LNPEP: variants seen among roughly 807,000 people sequenced by gnomAD.
LNPEP encodes leucyl-cystinyl aminopeptidase.
Under a neutral mutation model 120.6 loss-of-function variants are expected in LNPEP, and 64 were observed. The ratio of observed to expected loss-of-function variants is 0.53; its 90% confidence interval spans 0.43 to 0.65. LNPEP has a LOEUF of 0.65. Among genes scored for constraint, LNPEP ranks in the 30% least tolerant of loss-of-function variants. The pLI is 0.00. For missense variants in LNPEP, 1,057 were observed against 1,200.0 expected (o/e 0.88, Z 1.76); for synonymous variants, 435 against 425.4 (o/e 1.02, Z -0.28).
rs140912746 is a variant in LNPEP, at chr5:96,972,552, C to T, written c.20-6586C>T. Reference sequence around the variant, plus strand: ...CAAACTTCTGTGACTCCCCTCTGCACGTGCCCCCCTTCACCAGCACTGCTC... The same window carrying T: ...CAAACTTCTGTGACTCCCCTCTGCATGTGCCCCCCTTCACCAGCACTGCTC... On this transcript the variant is annotated intron_variant, in intron 1 of 17. Coordinates refer to ENST00000231368, the MANE Select transcript of LNPEP (RefSeq NM_005575.3). 7.7e-4 allele frequency among the ~76,000 whole-genome samples: 117 copies of T among 152,188 alleles called. 1 individual carries two copies. Among genetic ancestry groups the T allele is most frequent in the African/African-American group, 2.7e-3 (112 of 41,542 alleles).
chr5:96,954,772 A>ATTTTTT (rs1160402498), intron 1 of LNPEP, among the ~76,000 whole-genome samples: 7 of 27,110 alleles, frequency 2.6e-4, no homozygotes, highest in Non-Finnish European at 4.1e-4. Flanking sequence ...ATATATATAT[A>ATTTTTT]TTTTTTTTTT....
intron 4 of LNPEP, among the ~76,000 whole-genome samples, chr5:96,987,675 GTAAAC>G (rs1279122446): frequency 6.6e-6 from 1 of 152,178 alleles, no homozygotes; most frequent in African/African-American, 2.4e-5. Context: ...TACTCAAAAA[GTAAAC>G]TAAGTTTTTA....
chr5:97,010,035 A>C (rs27711), intron 11 of LNPEP, among the ~76,000 whole-genome samples: 3 of 151,900 alleles, frequency 2.0e-5, no homozygotes, highest in Non-Finnish European at 4.4e-5. Context: ...GTTGTATATA[A>C]GAGTTATGTT....
intron 14 of LNPEP, among the ~76,000 whole-genome samples, chr5:97,024,112 G>A (rs1732457812): frequency 6.6e-6 from 1 of 152,116 alleles, no homozygotes; most frequent in South Asian, 2.1e-4. Context: ...CTTAATAAAG[G>A]CAGTAGACTG....
chr5:96,996,452 C>G lies in LNPEP; in HGVS notation c.1470C>G (p.Ala490=). 6.2e-7 allele frequency: 1 copy of G among 1,611,358 alleles called. No individual in the cohort carries two copies. The highest frequency in any genetic ancestry group is 8.5e-7 in the Non-Finnish European group (1 of 1,178,066). The change falls in exon 7 of 18, where the codon GCC becomes GCG. Residue 490 remains alanine (A), a synonymous_variant. Coordinates refer to ENST00000231368, the MANE Select transcript of LNPEP (RefSeq NM_005575.3). Reference sequence around the variant, plus strand: ...ACCTATGGCTAAATGAAGGTTTTGCCACTTTCATGGAGTATTTCTCTTTGG... The same window carrying G: ...ACCTATGGCTAAATGAAGGTTTTGCGACTTTCATGGAGTATTTCTCTTTGG... The part of the protein sequence containing the change: ...WNDLWLNEGF[A]TFMEYFSLEK...
intron 11 of LNPEP, among the ~76,000 whole-genome samples, chr5:97,008,734 A>G (rs1427563552): frequency 2.9e-5 from 4 of 136,170 alleles, no homozygotes; most frequent in Admixed American, 1.7e-4. Flanking sequence ...GCGCGATCTC[A>G]GCTCACTGCA....
Position 96,985,105 on chromosome 5 carries a change from C to G in LNPEP, c.886C>G (p.Pro296Ala). 6.2e-7 allele frequency: 1 copy of G among 1,613,918 alleles called. No individual in the cohort carries two copies. Residue 296 changes from proline (P) to alanine (A), a missense_variant, in exon 3 of 18, where the codon CCC becomes GCC. Physicochemically the swap from Pro to Ala is conservative, Grantham distance 27 (BLOSUM62 -1). Coordinates refer to ENST00000231368, the MANE Select transcript of LNPEP (RefSeq NM_005575.3). ...KKYFAATQFE[P>A]LAARSAFPCF... ...GTACTTTGCAGCAACTCAGTTTGAACCCCTGGCAGCAAGATCTGCTTTTCC... is the reference window on the plus strand; with the variant it reads ...GTACTTTGCAGCAACTCAGTTTGAAGCCCTGGCAGCAAGATCTGCTTTTCC...
At chr5:96,952,876 C>T (rs1789356095) in intron 1 of LNPEP, among the ~76,000 whole-genome samples, 1 of 152,188 alleles carries the variant, frequency 6.6e-6, no homozygotes, top group African/African-American at 2.4e-5. Context: ...AATTAAAGGC[C>T]TACTTGGCTA....
chr5:96,941,742 C>T (rs1038813078), intron 1 of LNPEP, among the ~76,000 whole-genome samples: 4 of 152,100 alleles, frequency 2.6e-5, no homozygotes, highest in African/African-American at 9.7e-5. Flanking sequence ...TAACCTTATC[C>T]ATTGTTGTAA....
At position 97,034,585 on chromosome 5, in the gene LNPEP, A is replaced by G. The variant is rs190404129; in HGVS notation, c.*6052A>G. 16 of 152,046 alleles carry G rather than the reference A, an allele frequency of 1.1e-4. No individual in the cohort carries two copies. The highest frequency in any genetic ancestry group is 3.9e-4 in the African/African-American group (16 of 41,486). The allele number at this position is 152,046 out of a possible 1,614,324, so 9.4% of individuals were successfully genotyped here. A position where few individuals can be genotyped will look rare whatever the true frequency, so the allele number is the denominator to read the frequency against. On this transcript the variant is annotated 3_prime_UTR_variant, in exon 18 of 18. Transcript: ENST00000231368. Reference sequence around the variant, plus strand: ...ACCCAGACCCGAGAGTGTGGTAAATATTCTTTGCCTTCCTCAGAGCCTGTA... The same window carrying G: ...ACCCAGACCCGAGAGTGTGGTAAATGTTCTTTGCCTTCCTCAGAGCCTGTA...
At chr5:96,951,036 GCT>G (rs1789307627) in intron 1 of LNPEP, among the ~76,000 whole-genome samples, 1 of 152,152 alleles carries the variant, frequency 6.6e-6, no homozygotes, top group Admixed American at 6.5e-5. Context: ...TCTGGTGAGG[GCT>G]CTCTTTCTCA....
At chr5:96,977,389 A>C (rs1350234218) in intron 1 of LNPEP, among the ~76,000 whole-genome samples, 2 of 152,020 alleles carry the variant, frequency 1.3e-5, no homozygotes, top group Non-Finnish European at 2.9e-5. Flanking sequence ...ATAGCGTGGA[A>C]TAGCTGCCTG....
intron 11 of LNPEP, among the ~76,000 whole-genome samples, chr5:97,013,171 A>G (rs1216899813): frequency 1.3e-5 from 2 of 152,036 alleles, no homozygotes; most frequent in African/African-American, 4.8e-5. Flanking sequence ...GTTCCCTACT[A>G]TATCTTCTTC....
At chr5:96,990,210 G>C (rs796808099) in intron 4 of LNPEP, among the ~76,000 whole-genome samples, 2 of 151,878 alleles carry the variant, frequency 1.3e-5, no homozygotes, top group African/African-American at 2.4e-5. Flanking sequence ...GTGCACGTGC[G>C]TGTGTGTGTG....
chr5:97,006,630 G>A, intron 11 of LNPEP, 115 bp downstream of exon 11: 1 of 660,752 alleles, frequency 1.5e-6, no homozygotes. Context: ...GGTTTTATGA[G>A]TTGCATATGC....
chr5:97,017,696 T>C (rs961426320), intron 13 of LNPEP, among the ~76,000 whole-genome samples: 2 of 152,126 alleles, frequency 1.3e-5, no homozygotes, highest in Non-Finnish European at 2.9e-5. Context: ...TTGAGGTAAT[T>C]AGTATGATAT....
At chr5:97,000,676 C>G (rs1284343780) in intron 8 of LNPEP, among the ~76,000 whole-genome samples, 1 of 152,204 alleles carries the variant, frequency 6.6e-6, no homozygotes, top group East Asian at 1.9e-4. Flanking sequence ...GCATGATTCA[C>G]TGGGAGAGGA....
chr5:97,024,710 A>G, intron 15 of LNPEP, 28 bp downstream of exon 15: 1 of 1,593,186 alleles, frequency 6.3e-7, no homozygotes, highest in Non-Finnish European at 8.6e-7. Flanking sequence ...AATATGATAT[A>G]CAGAAACCAA....
At chr5:96,943,028 A>G in intron 1 of LNPEP, 1 of 195,970 alleles carries the variant, frequency 5.1e-6, no homozygotes, top group East Asian at 1.3e-4. Flanking sequence ...AAACATTACA[A>G]GAAAAACTTC....
Sources: gnomAD v4.1 joint callset for allele counts (sites outside exome capture counted in the v4.1 genomes callset) on GRCh38, gnomAD v4.1.1 for gene constraint, MANE v1.5 for transcripts, NCBI Gene and HGNC (gene_info 2026-07-23, HGNC 2026-07-21) for gene names.